The following NUDT21 variants were observed in gnomAD, a reference collection of about 807,000 sequenced individuals.
NUDT21 encodes the protein nudix hydrolase 21, also known as cleavage and polyadenylation specificity factor subunit 5.
NUDT21 carries 5 observed loss-of-function variants against 29.8 expected under a neutral mutation model. The observed-to-expected ratio is 0.17, with a 90% CI of 0.09 to 0.35. The LOEUF is 0.35. NUDT21 is among the 10% of genes least tolerant of loss of function. The pLI, the probability that NUDT21 is intolerant of heterozygous loss-of-function variation, is 1.00. For missense variants in NUDT21, 76 were observed against 276.0 expected, an observed-to-expected ratio of 0.28 and a Z score of 5.13; for synonymous variants, 113 against 98.5, an observed-to-expected ratio of 1.15 and a Z score of -0.87.
intron 4 of NUDT21, among the ~76,000 whole-genome samples, chr16:56,437,576 T>C (rs1962117058): frequency 6.6e-6 from 1 of 152,184 alleles, no homozygotes; most frequent in South Asian, 2.1e-4. Flanking sequence ...CACTCAAGAC[T>C]CAACATGGAA....
rs1337753393 is a variant in NUDT21, at chr16:56,434,405, T to C, written c.588A>G (p.Ala196=). The C allele has an allele frequency of 1.4e-5, 22 of 1,613,606 alleles. No homozygotes were observed. The highest frequency in any genetic ancestry group is 1.8e-5 in the Non-Finnish European group (21 of 1,179,700). The change falls in exon 6 of 7, where the codon GCA becomes GCG. Residue 196 remains alanine (A), a synonymous_variant. Coordinates refer to ENST00000300291, the MANE Select transcript of NUDT21 (RefSeq NM_007006.3). ...AVPKNYKLVA[A]PLFELYDNAP... is the part of the protein sequence containing the mutation. ...CATTGTCATACAATTCAAACAATGG[T>C]GCAGCTACCAGCTTGTAATTTTTAG...
intron 6 of NUDT21, 29 bp downstream of exon 6, chr16:56,434,302 T>C (rs772081951): frequency 6.2e-6 from 9 of 1,446,190 alleles, no homozygotes; most frequent in South Asian, 2.3e-5. Flanking sequence ...TTAATATGGA[T>C]GAACCAAAAA....
intron 4 of NUDT21, 145 bp downstream of exon 4, chr16:56,439,512 T>C: frequency 1.4e-6 from 1 of 697,240 alleles, no homozygotes; most frequent in Admixed American, 2.3e-5. Context: ...AAATAAGAAG[T>C]GCTTGGCTTA....
intron 5 of NUDT21, 100 bp downstream of exon 5, chr16:56,434,654 C>A: frequency 1.1e-6 from 1 of 910,564 alleles, no homozygotes; most frequent in Non-Finnish European, 1.8e-6. Flanking sequence ...TACAACAAAC[C>A]CAAAAGTTCA....
intron 3 of NUDT21, among the ~76,000 whole-genome samples, chr16:56,444,960 G>T (rs1962201972): frequency 6.6e-6 from 1 of 152,208 alleles, no homozygotes; most frequent in Admixed American, 6.5e-5. Flanking sequence ...AAGACAGGCA[G>T]ATCACCTGAG....
intron 4 of NUDT21, among the ~76,000 whole-genome samples, chr16:56,438,633 C>T (rs964813686): frequency 6.6e-6 from 1 of 152,116 alleles, no homozygotes; most frequent in African/African-American, 2.4e-5. Context: ...TATGACAAGC[C>T]TTGTTACCCC....
chr16:56,445,496 T>C (rs1462408025), intron 3 of NUDT21, among the ~76,000 whole-genome samples: 2 of 152,246 alleles, frequency 1.3e-5, no homozygotes, highest in Non-Finnish European at 2.9e-5. Flanking sequence ...GTCACCCTGT[T>C]GTGCTATCAA....
At chr16:56,440,934 T>C (rs1777940962) in intron 3 of NUDT21, among the ~76,000 whole-genome samples, 1 of 152,032 alleles carries the variant, frequency 6.6e-6, no homozygotes. Context: ...GAGATGGGGT[T>C]TCACCCTGTT....
At chr16:56,435,464 C>A (rs1273854036) in intron 4 of NUDT21, among the ~76,000 whole-genome samples, 1 of 151,336 alleles carries the variant, frequency 6.6e-6, no homozygotes. Context: ...CAGTGGCTCA[C>A]GCCTGTAATC....
chr16:56,448,383 A>G (rs1195838551), intron 1 of NUDT21, among the ~76,000 whole-genome samples: 1 of 152,210 alleles, frequency 6.6e-6, no homozygotes, highest in Non-Finnish European at 1.5e-5. Flanking sequence ...GAAAGTTTTA[A>G]TTATGGGTGC....
intron 3 of NUDT21, among the ~76,000 whole-genome samples, chr16:56,444,963 C>T (rs1043689893): frequency 6.6e-6 from 1 of 152,154 alleles, no homozygotes; most frequent in African/African-American, 2.4e-5. Context: ...ACAGGCAGAT[C>T]ACCTGAGGTT....
At chr16:56,441,395 C>T (rs1158416894) in intron 3 of NUDT21, among the ~76,000 whole-genome samples, 6 of 152,092 alleles carry the variant, frequency 3.9e-5, no homozygotes, top group Non-Finnish European at 5.9e-5. Flanking sequence ...CGCCACCACA[C>T]CCAGCTTTTT....
chr16:56,441,252 T>A (rs1962156202), intron 3 of NUDT21, among the ~76,000 whole-genome samples: 1 of 152,068 alleles, frequency 6.6e-6, no homozygotes, highest in Non-Finnish European at 1.5e-5. Flanking sequence ...ATTTTATTTT[T>A]TTGAGACAGA....
intron 3 of NUDT21, among the ~76,000 whole-genome samples, chr16:56,443,011 G>C (rs759456367): frequency 2.2e-4 from 33 of 151,972 alleles, no homozygotes; most frequent in Non-Finnish European, 3.8e-4. Context: ...GTCAATGGTT[G>C]AATTTTCTGC....
chr16:56,440,315 A>C (rs147922171), intron 3 of NUDT21, among the ~76,000 whole-genome samples: 8 of 152,368 alleles, frequency 5.3e-5, no homozygotes, highest in African/African-American at 1.9e-4. Context: ...CACACTAGTA[A>C]AGCACATTTG....
At chr16:56,449,141 T>C (rs1962250168) in intron 1 of NUDT21, 1 of 152,248 alleles carries the variant, frequency 6.6e-6, no homozygotes, top group African/African-American at 2.4e-5. Context: ...TAAAACGCTT[T>C]ACATATATTA....
intron 2 of NUDT21, 126 bp downstream of exon 2, chr16:56,447,663 C>T: frequency 2.6e-6 from 2 of 774,644 alleles, no homozygotes. Context: ...TTTTCTCTTT[C>T]TAAAGACATC....
chr16:56,440,862 C>A (rs772999369), intron 3 of NUDT21, among the ~76,000 whole-genome samples: 1 of 152,016 alleles, frequency 6.6e-6, no homozygotes, highest in African/African-American at 2.4e-5. Flanking sequence ...TCTCAGCCTC[C>A]GGAGTAGGTG....
chr16:56,448,046 C>G, intron 1 of NUDT21, 57 bp from the exon 2 acceptor site: 1 of 1,443,618 alleles, frequency 6.9e-7, no homozygotes, highest in Non-Finnish European at 9.6e-7. Context: ...TTTACCATGA[C>G]AGACATTAGC....
Sources: gnomAD v4.1 joint callset for allele counts (sites outside exome capture counted in the v4.1 genomes callset) on GRCh38, gnomAD v4.1.1 for gene constraint, MANE v1.5 for transcripts, NCBI Gene and HGNC (gene_info 2026-07-23, HGNC 2026-07-21) for gene names.